SNX29: variants seen among roughly 807,000 people sequenced by gnomAD.
SNX29 encodes sorting nexin 29.
In SNX29, 78 loss-of-function variants were observed where a neutral mutation model predicts 102.1. The ratio of observed to expected loss-of-function variants is 0.76; its 90% CI spans 0.64 to 0.92. The LOEUF (loss-of-function observed/expected upper bound fraction) is 0.92. SNX29 is among the 40% of genes least tolerant of loss of function. SNX29 has a pLI of 0.00. For missense variants in SNX29, 1,280 were observed against 1,061.7 expected, an observed-to-expected ratio of 1.21 and a Z score of -2.86; for synonymous variants, 580 against 414.5, an observed-to-expected ratio of 1.40 and a Z score of -4.85.
intron 14 of SNX29, among the ~76,000 whole-genome samples, chr16:12,268,040 C>G (rs1186629458): frequency 6.6e-6 from 1 of 152,180 alleles, no homozygotes; most frequent in Non-Finnish European, 1.5e-5. Flanking sequence ...GGAACGTTCT[C>G]TGCAGGGCTG....
chr16:12,482,485 A>C (rs577425979), intron 19 of SNX29, among the ~76,000 whole-genome samples: 9 of 152,084 alleles, frequency 5.9e-5, no homozygotes, highest in Non-Finnish European at 8.8e-5. Flanking sequence ...AGTTTTTTGC[A>C]GAGACAGGGT....
intron 16 of SNX29, among the ~76,000 whole-genome samples, chr16:12,365,952 C>G (rs1347134606): frequency 1.5e-5 from 2 of 137,540 alleles, no homozygotes; most frequent in Non-Finnish European, 3.1e-5. Flanking sequence ...TGAGGCAGGA[C>G]AATGGCATGA....
At chr16:12,434,303 T>C (rs566054119) in intron 18 of SNX29, among the ~76,000 whole-genome samples, 34 of 152,314 alleles carry the variant, frequency 2.2e-4, no homozygotes, top group East Asian at 2.1e-3. Context: ...AGTGGCTGTT[T>C]TTGTTTCTCT....
chr16:12,562,951 C>T (rs917350362), intron 20 of SNX29, among the ~76,000 whole-genome samples: 36 of 152,302 alleles, frequency 2.4e-4, no homozygotes, highest in African/African-American at 7.9e-4. Flanking sequence ...AAGAAGCAAA[C>T]ATTCACCCAA....
chr16:12,040,322 GAGCTGTCC>G lies in SNX29; in HGVS notation c.248-2571_248-2564del, dbSNP rs530555736. ...GAGCCCAGGACGTTGAGGCTGCAGT[GAGCTGTCC>G]AGCCTGGGTGACAGAGGGAGAGGCC... On this transcript the variant is annotated intron_variant, in intron 4 of 20. Coordinates refer to ENST00000566228, the MANE Select transcript of SNX29 (RefSeq NM_032167.5). Among the ~76,000 whole-genome samples the G allele has an allele frequency of 4.6e-5, 7 of 152,240 alleles. No individual in the cohort carries two copies. The South Asian group carries it at 1.5e-3, about 32-fold the overall frequency.
chr16:12,540,783 G>T (rs906830603), intron 20 of SNX29, among the ~76,000 whole-genome samples: 1 of 152,216 alleles, frequency 6.6e-6, no homozygotes, highest in Non-Finnish European at 1.5e-5. Context: ...AGTGTCAGGT[G>T]CTTGAGGACT....
intron 15 of SNX29, among the ~76,000 whole-genome samples, chr16:12,306,185 A>G (rs915311057): frequency 1.3e-5 from 2 of 152,180 alleles, no homozygotes; most frequent in African/African-American, 4.8e-5. Context: ...AATGGATTTC[A>G]GAATAGTGCT....
chr16:12,248,036 C>A (rs1214753839), intron 14 of SNX29, among the ~76,000 whole-genome samples: 4 of 152,212 alleles, frequency 2.6e-5, no homozygotes, highest in Non-Finnish European at 5.9e-5. Flanking sequence ...CTGAGATTGT[C>A]ACAGCAGCTT....
At chr16:12,550,254 G>C (rs564144603) in intron 20 of SNX29, among the ~76,000 whole-genome samples, 1 of 151,420 alleles carries the variant, frequency 6.6e-6, no homozygotes, top group African/African-American at 2.5e-5. Context: ...TAGCAAATAT[G>C]GGCCAGACAC....
intron 20 of SNX29, among the ~76,000 whole-genome samples, chr16:12,537,433 G>A (rs1487463714): frequency 6.6e-6 from 1 of 152,204 alleles, no homozygotes. Flanking sequence ...CAACTACATA[G>A]CAGCCTTGTG....
At chr16:12,379,495 T>A (rs1312655342) in intron 16 of SNX29, among the ~76,000 whole-genome samples, 1 of 152,234 alleles carries the variant, frequency 6.6e-6, no homozygotes, top group Non-Finnish European at 1.5e-5. Context: ...CTCAGCTTGT[T>A]AGAAGCAGGG....
chr16:12,539,664 G>A (rs138244093), intron 20 of SNX29, among the ~76,000 whole-genome samples: 1 of 152,116 alleles, frequency 6.6e-6, no homozygotes, highest in South Asian at 2.1e-4. Context: ...AGCGTATGAG[G>A]GGCCCAGTTG....
chr16:12,055,649 G>A (rs1290601478), intron 8 of SNX29, among the ~76,000 whole-genome samples: 1 of 152,174 alleles, frequency 6.6e-6, no homozygotes. Context: ...AGGTCCAGAG[G>A]CAATCTGCTG....
chr16:12,431,774 A>G (rs199737938), intron 18 of SNX29, among the ~76,000 whole-genome samples: 5 of 152,190 alleles, frequency 3.3e-5, no homozygotes, highest in Admixed American at 3.3e-4. Context: ...ACCTAAACCC[A>G]CAGCCGGTGC....
intron 18 of SNX29, among the ~76,000 whole-genome samples, chr16:12,427,447 T>A (rs1316081739): frequency 6.6e-6 from 1 of 152,250 alleles, no homozygotes; most frequent in African/African-American, 2.4e-5. Flanking sequence ...GTTTTTCTTT[T>A]TTTTATTTAT....
Position 12,199,769 on chromosome 16 carries a change from T to C in SNX29, c.1678+86T>C, listed in dbSNP as rs1208643778. On this transcript the variant is annotated intron_variant, in intron 14 of 20. Coordinates refer to ENST00000566228, the MANE Select transcript of SNX29 (RefSeq NM_032167.5). Reference sequence around the variant, plus strand: ...TGGCACGCAATAGACACTCAATGTGTGACGAGTGCATATGTGGATGGATTA... The same window carrying C: ...TGGCACGCAATAGACACTCAATGTGCGACGAGTGCATATGTGGATGGATTA... 3 of 1,106,164 alleles carry C rather than the reference T, an allele frequency of 2.7e-6. No individual in the cohort carries two copies. In the Admixed American group the frequency reaches 6.2e-5, roughly 23 times the overall value. The allele number at this position is 1,106,164 out of a possible 1,614,324, so 68.5% of individuals were successfully genotyped here.
chr16:12,540,448 G>C (rs1567676509), intron 20 of SNX29, among the ~76,000 whole-genome samples: 1 of 152,248 alleles, frequency 6.6e-6, no homozygotes, highest in African/African-American at 2.4e-5. Context: ...GAGGCCAGAA[G>C]TCCGAGATCC....
intron 13 of SNX29, among the ~76,000 whole-genome samples, chr16:12,196,811 G>A (rs889361817): frequency 6.6e-6 from 1 of 151,982 alleles, no homozygotes; most frequent in Admixed American, 6.5e-5. Context: ...AGTAGAGACA[G>A]GGTTTCACCA....
intron 20 of SNX29, among the ~76,000 whole-genome samples, chr16:12,525,489 A>T: frequency 6.6e-6 from 1 of 152,240 alleles, no homozygotes; most frequent in South Asian, 2.1e-4. Context: ...CATGGCCAAC[A>T]TGTTGAAATC....
Sources: gnomAD v4.1 joint callset for allele counts (sites outside exome capture counted in the v4.1 genomes callset) on GRCh38, gnomAD v4.1.1 for gene constraint, MANE v1.5 for transcripts, NCBI Gene and HGNC (gene_info 2026-07-23, HGNC 2026-07-21) for gene names.